AGMO: variants seen among roughly 807,000 people sequenced by gnomAD.
The protein encoded by AGMO is glyceryl-ether monooxygenase.
A neutral mutation model predicts 60.2 loss-of-function variants in AGMO; 75 were observed. The observed-to-expected ratio is 1.25, with a 90% CI of 1.03 to 1.51. The LOEUF is 1.51. Among genes scored for constraint, AGMO ranks in the 40% most tolerant of loss-of-function variants. AGMO has a pLI of 0.00. For synonymous variants in AGMO, 261 were observed against 177.1 expected (o/e 1.47, Z -3.76); for missense variants, 763 against 525.5 (o/e 1.45, Z -4.42).
intron 3 of AGMO, among the ~76,000 whole-genome samples, chr7:15,448,015 T>C (rs1013191898): frequency 1.3e-5 from 2 of 152,238 alleles, no homozygotes; most frequent in African/African-American, 4.8e-5. Context: ...TTGCTTCGGG[T>C]TACAAATGTC....
At chr7:15,373,041 T>C (rs539592423) in intron 10 of AGMO, among the ~76,000 whole-genome samples, 23 of 152,168 alleles carry the variant, frequency 1.5e-4, no homozygotes, top group African/African-American at 4.6e-4. Flanking sequence ...AGGTCGGCAA[T>C]TCACTTGAGG....
chr7:15,431,056 A>C lies in AGMO; in HGVS notation c.462T>G (p.Tyr154Ter), dbSNP rs2128498312. 1 of 1,611,380 alleles carries C rather than the reference A, an allele frequency of 6.2e-7. No homozygotes were observed. The highest frequency in any genetic ancestry group is 1.1e-5 in the South Asian group (1 of 90,912). Reference sequence around the variant, plus strand: ...ACTGTCTCAGTGCTGTGGATAAGTTATAGTCTTCAGAACTATGATGTGTTT... The same window carrying C: ...ACTGTCTCAGTGCTGTGGATAAGTTCTAGTCTTCAGAACTATGATGTGTTT... ...GHQTHHSSED[Y>*]NLSTALRQSV... Residue 154 changes from tyrosine to a stop codon, truncating the protein, a stop_gained, in exon 4 of 13, where the codon TAT becomes TAG. Coordinates refer to ENST00000342526, the MANE Select transcript of AGMO (RefSeq NM_001004320.2). LOFTEE classifies it high-confidence loss of function.
chr7:15,288,545 C>A (rs1784165119), intron 12 of AGMO, among the ~76,000 whole-genome samples: 1 of 151,944 alleles, frequency 6.6e-6, no homozygotes, highest in Non-Finnish European at 1.5e-5. Context: ...GAGTCTTTCA[C>A]ATCCAAATCA....
At chr7:15,537,401 G>A (rs746004546) in intron 3 of AGMO, among the ~76,000 whole-genome samples, 3 of 151,962 alleles carry the variant, frequency 2.0e-5, no homozygotes, top group African/African-American at 4.8e-5. Flanking sequence ...AATACATTAC[G>A]TTCTAAGACT....
chr7:15,400,088 A>G (rs1021668467), intron 5 of AGMO, among the ~76,000 whole-genome samples: 3 of 151,986 alleles, frequency 2.0e-5, no homozygotes, highest in Admixed American at 2.0e-4. Context: ...TTCTCATACT[A>G]TATTGCAAGT....
At chr7:15,155,028 G>T in the AGMO span, among the ~76,000 whole-genome samples, 2 of 152,120 alleles carry the variant, frequency 1.3e-5, no homozygotes, top group African/African-American at 2.4e-5. Context: ...CTGCCTTTCA[G>T]ATTTTTTCTT....
intron 12 of AGMO, among the ~76,000 whole-genome samples, chr7:15,260,142 G>T (rs1353651002): frequency 6.6e-6 from 1 of 150,416 alleles, no homozygotes; most frequent in East Asian, 2.0e-4. Flanking sequence ...GATACAGAAT[G>T]GCAGAATGGA....
chr7:15,519,448 C>A (rs1583638699), intron 3 of AGMO, among the ~76,000 whole-genome samples: 1 of 152,310 alleles, frequency 6.6e-6, no homozygotes, highest in African/African-American at 2.4e-5. Context: ...AACAGACTAA[C>A]AGCAGATCTC....
At chr7:15,134,189 G>A in the AGMO span, among the ~76,000 whole-genome samples, 1 of 152,070 alleles carries the variant, frequency 6.6e-6, no homozygotes, top group South Asian at 2.1e-4. Context: ...TCTGAGACAG[G>A]TCTGGCTCTC....
Position 15,276,324 on chromosome 7 carries a change from A to AT in AGMO, c.1264-74966dup, listed in dbSNP as rs1025602993. On this transcript the variant is annotated intron_variant, in intron 12 of 12. Transcript: ENST00000342526. ...GCAGGATACAAAAGTATCGACTGGC[A>AT]TTTTTTTTTTTCTTTAAAGAGGCCA... 1.3e-3 allele frequency among the ~76,000 whole-genome samples: 185 copies of AT among 145,526 alleles called. 2 individuals are homozygous for AT. The highest frequency in any genetic ancestry group is 3.6e-3 in the Middle Eastern group (1 of 278).
At chr7:15,247,052 C>G (rs1460474102) in intron 12 of AGMO, among the ~76,000 whole-genome samples, 1 of 151,934 alleles carries the variant, frequency 6.6e-6, no homozygotes, top group Non-Finnish European at 1.5e-5. Context: ...GCAATTCATC[C>G]ACTTAGCTTC....
intron 12 of AGMO, among the ~76,000 whole-genome samples, chr7:15,349,019 C>G (rs1289521326): frequency 6.6e-6 from 1 of 151,744 alleles, no homozygotes; most frequent in African/African-American, 2.4e-5. Context: ...CACATTGTGA[C>G]TTATTTCTAT....
chr7:15,153,009 A>G, the AGMO span, among the ~76,000 whole-genome samples: 5 of 151,958 alleles, frequency 3.3e-5, no homozygotes, highest in Admixed American at 6.6e-5. Context: ...AACATCTATT[A>G]TTTTTTGATT....
chr7:15,203,777 A>G (rs1781370101), intron 12 of AGMO, among the ~76,000 whole-genome samples: 1 of 152,178 alleles, frequency 6.6e-6, no homozygotes, highest in Non-Finnish European at 1.5e-5. Flanking sequence ...AAACTACTAA[A>G]TATCAGAGCT....
intron 12 of AGMO, among the ~76,000 whole-genome samples, chr7:15,274,175 G>A (rs191369678): frequency 1.5e-4 from 23 of 152,264 alleles, no homozygotes; most frequent in Non-Finnish European, 1.8e-4. Flanking sequence ...AAGGAGTGGT[G>A]AGAGAGGGCG....
At chr7:15,365,665 T>TTA (rs1460318427) in intron 11 of AGMO, 46 bp from the exon 12 acceptor site, 1 of 1,275,820 alleles carries the variant, frequency 7.8e-7, no homozygotes, top group South Asian at 1.2e-5. Context: ...AATATGCTCT[T>TTA]TATATGTTCA....
intron 3 of AGMO, among the ~76,000 whole-genome samples, chr7:15,541,874 T>C (rs1009532081): frequency 6.6e-6 from 1 of 152,320 alleles, no homozygotes; most frequent in East Asian, 1.9e-4. Flanking sequence ...CTAACAAATG[T>C]GAAATATGTT....
the AGMO span, among the ~76,000 whole-genome samples, chr7:15,161,793 G>A: frequency 2.0e-5 from 3 of 151,988 alleles, no homozygotes; most frequent in Admixed American, 6.6e-5. Context: ...AGAACCCTGA[G>A]TAATACATAT....
chr7:15,432,318 G>GTATGTA (rs1781266241), intron 3 of AGMO, among the ~76,000 whole-genome samples: 1 of 90,480 alleles, frequency 1.1e-5, no homozygotes, highest in Non-Finnish European at 2.4e-5. Flanking sequence ...ATATATGTGT[G>GTATGTA]TGTATATATG....
Sources: allele counts gnomAD v4.1 joint callset (sites outside exome capture counted in the v4.1 genomes callset), GRCh38; gene constraint gnomAD v4.1.1; transcripts MANE v1.5; gene names NCBI Gene and HGNC (gene_info 2026-07-23, HGNC 2026-07-21).